TMC6: variants seen among roughly 807,000 people sequenced by gnomAD.
TMC6 encodes the protein transmembrane channel-like protein 6.
A neutral mutation model predicts 95.4 loss-of-function variants in TMC6; 71 were observed. The ratio of observed to expected loss-of-function variants is 0.74; its 90% CI spans 0.61 to 0.91. The LOEUF (loss-of-function observed/expected upper bound fraction) is 0.91, where lower values mean the gene tolerates loss of function less well. TMC6 is among the 40% of genes least tolerant of loss of function. TMC6 has a pLI of 0.00. For missense variants in TMC6, 1,074 were observed against 1,079.1 expected (o/e 1.00, Z 0.07); for synonymous variants, 514 against 483.1 (o/e 1.06, Z -0.84).
intron 18 of TMC6, chr17:78,113,939 C>G (rs540661550): frequency 4.8e-6 from 2 of 417,574 alleles, no homozygotes; most frequent in East Asian, 5.3e-5. Flanking sequence ...GGGTTACTAA[C>G]TCTGTGACCT....
At chr17:78,116,259 G>A (rs957224623) in intron 18 of TMC6, among the ~76,000 whole-genome samples, 3 of 149,384 alleles carry the variant, frequency 2.0e-5, no homozygotes, top group Non-Finnish European at 4.4e-5. Flanking sequence ...TTAGAGGCCT[G>A]AGCCCCCATG....
upstream of TMC6, chr17:78,130,789 C>T (rs1427979496): frequency 2.6e-5 from 4 of 152,378 alleles, no homozygotes; most frequent in Non-Finnish European, 5.9e-5. Context: ...ACCACCCTGC[C>T]TGGCTTGGCA....
rs1183153528 is a variant in TMC6, at chr17:78,107,428, C to T, written c.*5720G>A. On this transcript the variant is annotated 3_prime_UTR_variant, in exon 20 of 20. Transcript: ENST00000590602. ...TCGAAAGTACAACGCTTTATTGAATCTTAATAAATTGCAATTTTTTTCTTG... is the reference window on the plus strand; with the variant it reads ...TCGAAAGTACAACGCTTTATTGAATTTTAATAAATTGCAATTTTTTTCTTG... 1 of 152,158 alleles carries T rather than the reference C, an allele frequency of 6.6e-6. No homozygotes were observed. The highest frequency in any genetic ancestry group is 1.5e-5 in the Non-Finnish European group (1 of 68,034). 9.4% of individuals were successfully genotyped at this position (152,158 alleles called of 1,614,324 possible). A position where few individuals can be genotyped will look rare whatever the true frequency, so the allele number is the denominator to read the frequency against.
rs572084769 is a variant in TMC6 at position 78,126,194 on chromosome 17, C to G, written c.271+83G>C. ...GGAGCAGCCACTACCCAGGGAGATG[C>G]CTGGCAGGAAGCCCAGCCCAGCCCC... On this transcript the variant is annotated intron_variant, in intron 4 of 19. Coordinates refer to ENST00000590602, the MANE Select transcript of TMC6 (RefSeq NM_001127198.5). 4.0e-6 allele frequency: 6 copies of G among 1,509,804 alleles called. No individual in the cohort carries two copies. In the East Asian group the frequency reaches 1.5e-4, roughly 37 times the overall value. 93.5% of individuals were successfully genotyped at this position (1,509,804 alleles called of 1,614,324 possible). A position where few individuals can be genotyped will look rare whatever the true frequency, so the allele number is the denominator to read the frequency against.
chr17:78,119,847 T>C (rs2074321250), intron 13 of TMC6: 2 of 352,288 alleles, frequency 5.7e-6, no homozygotes, highest in Non-Finnish European at 1.1e-5. Flanking sequence ...AAGGTCTCAC[T>C]CTGTTGCCGA....
In TMC6 at chr17:78,125,318, C is replaced by T. The variant is rs566826745; in HGVS notation, c.431-55G>A. The T allele has an allele frequency of 5.2e-5, 77 of 1,484,854 alleles. No individual in the cohort carries two copies. In the East Asian group the frequency reaches 1.2e-3, roughly 22 times the overall value. The allele number at this position is 1,484,854 out of a possible 1,614,324, so 92.0% of individuals were successfully genotyped here. On this transcript the variant is annotated intron_variant, in intron 5 of 19. Transcript: ENST00000590602. ...TCCCCAAGTGCCCCTCCCTGCAGCC[C>T]GAAGCCGGGACCCTGGTCAGGCCTG...
chr17:78,120,964 C>G, intron 12 of TMC6, 49 bp downstream of exon 12: 3 of 1,612,948 alleles, frequency 1.9e-6, no homozygotes, highest in Non-Finnish European at 2.5e-6. Flanking sequence ...AGCTAAACAA[C>G]CAGTATCAGC....
rs2144738248 is a variant in TMC6, at chr17:78,108,368, A to G, written c.*4780T>C. On this transcript the variant is annotated 3_prime_UTR_variant, in exon 20 of 20. Coordinates refer to ENST00000590602, the MANE Select transcript of TMC6 (RefSeq NM_001127198.5). ...CCGGAGAAGAAATTAAAGACCAGAAAAAGAAGGAAGCTGGGAATGAAACTC... is the reference window on the plus strand; with the variant it reads ...CCGGAGAAGAAATTAAAGACCAGAAGAAGAAGGAAGCTGGGAATGAAACTC... 6.5e-6 allele frequency: 1 copy of G among 154,982 alleles called. No individual in the cohort carries two copies. The highest frequency in any genetic ancestry group is 2.0e-4 in the South Asian group (1 of 4,930). 9.6% of individuals were successfully genotyped at this position (154,982 alleles called of 1,614,324 possible). A position where few individuals can be genotyped will look rare whatever the true frequency, so the allele number is the denominator to read the frequency against.
Position 78,117,898 on chromosome 17 carries a change from G to C in TMC6, c.1925C>G (p.Pro642Arg), listed in dbSNP as rs1282897464. 6 of 1,605,132 alleles carry C rather than the reference G, an allele frequency of 3.7e-6. No homozygotes were observed. Among genetic ancestry groups the C allele is most frequent in the Non-Finnish European group, 5.1e-6 (6 of 1,176,602 alleles). ...LLANCQAPRR[P>R]WLASHMSTVF... is the part of the protein sequence containing the mutation. The stretch of plus-strand genomic sequence containing the variant: ...GGTGCTCATGTGTGAGGCCAGCCAG[G>C]GCCGGCGCGGCGCCTGGCAGTTGGC... Residue 642 changes from proline (P) to arginine (R), a missense_variant, in exon 16 of 20, where the codon CCC becomes CGC. Physicochemically the swap from Pro to Arg is moderately radical, Grantham distance 103 (BLOSUM62 -2). Coordinates refer to ENST00000590602, the MANE Select transcript of TMC6 (RefSeq NM_001127198.5).
At chr17:78,113,527 A>T (rs768914924) in intron 19 of TMC6, 21 bp downstream of exon 19, 13 of 1,612,986 alleles carry the variant, frequency 8.1e-6, no homozygotes, top group Non-Finnish European at 1.0e-5. Context: ...GAGTGTCCCC[A>T]ATCCCTCCAC....
rs16970842 is a variant in TMC6 at position 78,111,312 on chromosome 17, A to G, written c.*1836T>C. The G allele has an allele frequency of 0.14, 21,521 of 152,320 alleles. 1,895 individuals carry two copies. The highest frequency in any genetic ancestry group is 0.24 in the African/African-American group (10,141 of 41,526). 9.4% of individuals were successfully genotyped at this position (152,320 alleles called of 1,614,324 possible). A position where few individuals can be genotyped will look rare whatever the true frequency, so the allele number is the denominator to read the frequency against. Reference sequence around the variant, plus strand: ...TTCCACTTTCCTGTCATAAGCAGCTAGTACTGTCCTTTGTGAGGCTGGCAA... The same window carrying G: ...TTCCACTTTCCTGTCATAAGCAGCTGGTACTGTCCTTTGTGAGGCTGGCAA... On this transcript the variant is annotated 3_prime_UTR_variant, in exon 20 of 20. Transcript: ENST00000590602.
At chr17:78,119,797 G>A (rs1280651701) in intron 13 of TMC6, 4 of 377,746 alleles carry the variant, frequency 1.1e-5, no homozygotes, top group South Asian at 8.5e-5. Context: ...ACCAGGCCCA[G>A]CTAATTTTTA....
At chr17:78,127,143 T>C in intron 1 of TMC6, 5 of 538,082 alleles carry the variant, frequency 9.3e-6, no homozygotes, top group Non-Finnish European at 1.7e-5. Context: ...GTGTGGGGTC[T>C]GCAGTTCCAC....
rs2073754764 is a variant in TMC6 at position 78,108,646 on chromosome 17, A to C, written c.*4502T>G. ...GGAACTCGGGGGACAGGAGGGCAGC[A>C]CAGTGTAAGCTAAAGCCCTGTGTAG... On this transcript the variant is annotated 3_prime_UTR_variant, in exon 20 of 20. Coordinates refer to ENST00000590602, the MANE Select transcript of TMC6 (RefSeq NM_001127198.5). The C allele has an allele frequency of 6.5e-6, 1 of 154,804 alleles. No homozygotes were observed. The highest frequency in any genetic ancestry group is 1.5e-5 in the Non-Finnish European group (1 of 68,286). The allele number at this position is 154,804 out of a possible 1,614,324, so 9.6% of individuals were successfully genotyped here.
At position 78,113,033 on chromosome 17, in the gene TMC6, CG is replaced by C. The variant is rs1197272951; in HGVS notation, c.*114del. 1.6e-6 allele frequency: 2 copies of C among 1,274,448 alleles called. No individual in the cohort carries two copies. Among genetic ancestry groups the C allele is most frequent in the African/African-American group, 3.0e-5 (2 of 67,708 alleles). 78.9% of individuals were successfully genotyped at this position (1,274,448 alleles called of 1,614,324 possible). ...TCCAGCTCCAGCCTAGGCGCAGCTG[CG>C]GCTTTCGAGAGGCGAAACTGTCTTC... On this transcript the variant is annotated 3_prime_UTR_variant, in exon 20 of 20. Coordinates refer to ENST00000590602, the MANE Select transcript of TMC6 (RefSeq NM_001127198.5).
Position 78,113,349 on chromosome 17 carries a change from T to C in TMC6, c.2355-138A>G, listed in dbSNP as rs374064542. On this transcript the variant is annotated intron_variant, in intron 19 of 19. Coordinates refer to ENST00000590602, the MANE Select transcript of TMC6 (RefSeq NM_001127198.5). Reference sequence around the variant, plus strand: ...TCCTGAGATGTATTTTAGGTCCCTGTCAAAATGGCCAGGCTCCGGAGGCCA... The same window carrying C: ...TCCTGAGATGTATTTTAGGTCCCTGCCAAAATGGCCAGGCTCCGGAGGCCA... The C allele has an allele frequency of 4.8e-6, 6 of 1,256,082 alleles. No homozygotes were observed. The African/African-American group carries it at 9.0e-5, about 19-fold the overall frequency. The allele number at this position is 1,256,082 out of a possible 1,614,324, so 77.8% of individuals were successfully genotyped here.
chr17:78,112,389 G>T lies in TMC6; in HGVS notation c.*759C>A, dbSNP rs2073847074. ...CTGTGCCCACCCCCCACAGCCTACG[G>T]TTTTCGGTATCCCACGGGCTCCTCA... is the stretch of plus-strand genomic sequence containing the variant. On this transcript the variant is annotated 3_prime_UTR_variant, in exon 20 of 20. Transcript: ENST00000590602. The T allele has an allele frequency of 5.5e-6, 1 of 181,230 alleles. No homozygotes were observed. Among genetic ancestry groups the T allele is most frequent in the African/African-American group, 2.4e-5 (1 of 41,638 alleles). The allele number at this position is 181,230 out of a possible 1,614,324, so 11.2% of individuals were successfully genotyped here. A position where few individuals can be genotyped will look rare whatever the true frequency, so the allele number is the denominator to read the frequency against.
chr17:78,117,997 G>C, intron 15 of TMC6, 62 bp from the exon 16 acceptor site: 1 of 1,559,748 alleles, frequency 6.4e-7, no homozygotes. Context: ...TCCAAGCCCT[G>C]GGGGAGCTCA....
rs1027918643 is a variant in TMC6 at position 78,122,344 on chromosome 17, G to A, written c.1227+261C>T. Among the ~76,000 whole-genome samples the A allele has an allele frequency of 6.6e-6, 1 of 151,978 alleles. No individual in the cohort carries two copies. The highest frequency in any genetic ancestry group is 2.4e-5 in the African/African-American group (1 of 41,358). On this transcript the variant is annotated intron_variant, in intron 10 of 19. Coordinates refer to ENST00000590602, the MANE Select transcript of TMC6 (RefSeq NM_001127198.5). The surrounding 1 kb of genome is among the most constrained non-coding windows in gnomAD (Gnocchi z 4.9). ...CCTGAGGCCTCAGGGCTGGCTCCCG[G>A]GTGCCCACGGGGCCATGGCGCTACT...
Sources: gnomAD v4.1 joint callset for allele counts (sites outside exome capture counted in the v4.1 genomes callset) on GRCh38, gnomAD v4.1.1 for gene constraint, Gnocchi (gnomAD v3.1) non-coding constraint, MANE v1.5 for transcripts, NCBI Gene and HGNC (gene_info 2026-07-23, HGNC 2026-07-21) for gene names.